Variants in CD226 observed in about 807,000 individuals in gnomAD.
The protein encoded by CD226 is CD226 antigen.
CD226 carries 24 observed loss-of-function variants against 34.9 expected under a neutral mutation model. The ratio of observed to expected loss-of-function variants is 0.69; its 90% CI spans 0.50 to 0.97. CD226 has a LOEUF of 0.97. Among genes scored for constraint, CD226 ranks in the 50% least tolerant of loss-of-function variants. The probability of loss-of-function intolerance (pLI) is 0.00; values close to 1 mark genes in which losing one functional copy is unlikely to be tolerated. For synonymous variants in CD226, 148 were observed against 147.4 expected (o/e 1.00, Z -0.03); for missense variants, 397 against 412.7 (o/e 0.96, Z 0.33).
At chr18:69,939,418 T>C (rs959786246) in intron 2 of CD226, among the ~76,000 whole-genome samples, 1 of 152,258 alleles carries the variant, frequency 6.6e-6, no homozygotes, top group African/African-American at 2.4e-5. Flanking sequence ...GCTTCATCCA[T>C]GTCGGTGAGC....
At chr18:69,919,140 T>C (rs1216612863) in intron 2 of CD226, among the ~76,000 whole-genome samples, 3 of 152,056 alleles carry the variant, frequency 2.0e-5, no homozygotes, top group Admixed American at 6.5e-5. Context: ...AAACAGAAAA[T>C]GTTCGGACAG....
chr18:69,886,226 C>T (rs575889191), intron 3 of CD226, among the ~76,000 whole-genome samples: 156 of 152,310 alleles, frequency 1.0e-3, no homozygotes, highest in Admixed American at 2.7e-3. Flanking sequence ...TTTCCACAGA[C>T]GTCAAACGTG....
intron 3 of CD226, among the ~76,000 whole-genome samples, chr18:69,878,346 T>C (rs200379686): frequency 1.2e-3 from 186 of 152,306 alleles, no homozygotes; most frequent in South Asian, 4.1e-3. Context: ...CAGTGAAATA[T>C]ATAAAAGAAT....
chr18:69,911,850 A>G (rs541334953), intron 2 of CD226, among the ~76,000 whole-genome samples: 1 of 152,118 alleles, frequency 6.6e-6, no homozygotes, highest in Non-Finnish European at 1.5e-5. Flanking sequence ...GTGTGTGTGC[A>G]TATGTGTGTG....
At chr18:69,883,296 A>C (rs980488724) in intron 3 of CD226, among the ~76,000 whole-genome samples, 1 of 152,204 alleles carries the variant, frequency 6.6e-6, no homozygotes, top group Non-Finnish European at 1.5e-5. Context: ...AATAAAAAAA[A>C]CCTAGAAAAA....
intron 2 of CD226, among the ~76,000 whole-genome samples, chr18:69,946,180 C>CAAAAAAAAAAAAAAAAAA (rs60750165): frequency 1.5e-5 from 1 of 66,376 alleles, no homozygotes; most frequent in African/African-American, 7.3e-5. Flanking sequence ...AAGACTCCAT[C>CAAAAAAAAAAAAAAAAAA]AAAAAAAAAA....
chr18:69,946,862 G>A lies in CD226; in HGVS notation c.254C>T (p.Thr85Met), dbSNP rs774094351. The change falls in exon 2 of 6, where the codon ACG (threonine) becomes ATG (methionine). Residue 85 changes from threonine to methionine, a missense_variant. Transcript: ENST00000582621. The part of the protein sequence containing the change: ...YAERVYFLNS[T>M]MASNNMTLFF... ...AAGAGTCATGTTATTGGAAGCCATC[G>A]TTGAATTCAAAAAGTAAACCCTCTC... 38 of 1,614,002 alleles carry A rather than the reference G, an allele frequency of 2.4e-5. No homozygotes were observed. Among genetic ancestry groups the A allele is most frequent in the South Asian group, 4.4e-5 (4 of 91,086 alleles).
intron 3 of CD226, among the ~76,000 whole-genome samples, chr18:69,883,495 T>C (rs1193809604): frequency 6.6e-6 from 1 of 152,192 alleles, no homozygotes; most frequent in African/African-American, 2.4e-5. Flanking sequence ...CAAGACTTGG[T>C]GCTCAGAGGA....
intron 2 of CD226, among the ~76,000 whole-genome samples, chr18:69,924,958 T>C (rs1414845154): frequency 6.6e-6 from 1 of 152,216 alleles, no homozygotes; most frequent in Non-Finnish European, 1.5e-5. Flanking sequence ...TTCATCTTTT[T>C]GGAAAAAGTG....
chr18:69,956,858 C>T (rs1245527542), exon 1 of CD226: 1 of 152,250 alleles, frequency 6.6e-6, no homozygotes, highest in Non-Finnish European at 1.5e-5. Flanking sequence ...CCTCAACACC[C>T]TCTTGGTCAC....
chr18:69,956,035 C>T (rs2055894831), intron 1 of CD226, among the ~76,000 whole-genome samples: 1 of 152,168 alleles, frequency 6.6e-6, no homozygotes, highest in South Asian at 2.1e-4. Flanking sequence ...AGGAGTGAGG[C>T]TACTGCTGAG....
At chr18:69,901,839 A>T (rs958088214) in intron 2 of CD226, among the ~76,000 whole-genome samples, 1 of 151,646 alleles carries the variant, frequency 6.6e-6, no homozygotes, top group South Asian at 2.1e-4. Context: ...AGATCGCACC[A>T]CTGCACTCCA....
Position 69,855,995 on chromosome 18 carries a change from TACA to T in CD226, c.*8316_*8318del, listed in dbSNP as rs1445559585. 6 of 152,102 alleles carry T rather than the reference TACA, an allele frequency of 3.9e-5. No individual in the cohort carries two copies. The highest frequency in any genetic ancestry group is 1.9e-4 in the East Asian group (1 of 5,206). 9.4% of individuals were successfully genotyped at this position (152,102 alleles called of 1,614,324 possible). A position where few individuals can be genotyped will look rare whatever the true frequency, so the allele number is the denominator to read the frequency against. ...CAAATATATACAACTCCTATATATC[TACA>T]ACATTTTTAAGTAAGAAAAGTGGGG... is the stretch of plus-strand genomic sequence containing the variant. On this transcript the variant is annotated 3_prime_UTR_variant, in exon 6 of 6. Transcript: ENST00000582621.
At chr18:69,866,216 C>T (rs1233112809) in intron 5 of CD226, among the ~76,000 whole-genome samples, 3 of 152,152 alleles carry the variant, frequency 2.0e-5, no homozygotes, top group Admixed American at 1.3e-4. Flanking sequence ...CTAATATCAT[C>T]GCATTAGGCA....
intron 2 of CD226, among the ~76,000 whole-genome samples, chr18:69,930,434 C>T (rs1398821422): frequency 1.3e-5 from 2 of 152,152 alleles, no homozygotes; most frequent in Non-Finnish European, 2.9e-5. Flanking sequence ...TCTGAGAACA[C>T]AGGGACCACC....
chr18:69,859,614 A>C lies in CD226; in HGVS notation c.*4700T>G, dbSNP rs1982717165. 6.6e-6 allele frequency: 1 copy of C among 152,206 alleles called. No individual in the cohort carries two copies. The highest frequency in any genetic ancestry group is 1.5e-5 in the Non-Finnish European group (1 of 68,038). The allele number at this position is 152,206 out of a possible 1,614,324, so 9.4% of individuals were successfully genotyped here. On this transcript the variant is annotated 3_prime_UTR_variant, in exon 6 of 6. Coordinates refer to ENST00000582621, the MANE Select transcript of CD226 (RefSeq NM_001303618.2). ...GTGTCATAAGCATGCTATTCAGAAA[A>C]GTGAACATAAATAAAATAATGAGTT... is the stretch of plus-strand genomic sequence containing the variant.
At chr18:69,959,125 C>T (rs762906862), upstream of CD226, among the ~76,000 whole-genome samples, 4 of 152,152 alleles carry the variant, frequency 2.6e-5, no homozygotes, top group Non-Finnish European at 4.4e-5. Flanking sequence ...GAATTTTACT[C>T]AGCAAACAGG....
rs1193085955 is a variant in CD226 at position 69,855,418 on chromosome 18, T to A, written c.*8896A>T. ...TTGACTTGGAACCCCGAAGGAAGAATGAATGACTTTGAAGCTAGGCCAATA... is the reference window on the plus strand; with the variant it reads ...TTGACTTGGAACCCCGAAGGAAGAAAGAATGACTTTGAAGCTAGGCCAATA... On this transcript the variant is annotated 3_prime_UTR_variant, in exon 6 of 6. Coordinates refer to ENST00000582621, the MANE Select transcript of CD226 (RefSeq NM_001303618.2). 1 of 152,144 alleles carries A rather than the reference T, an allele frequency of 6.6e-6. No homozygotes were observed. Among genetic ancestry groups the A allele is most frequent in the African/African-American group, 2.4e-5 (1 of 41,446 alleles). 9.4% of individuals were successfully genotyped at this position (152,144 alleles called of 1,614,324 possible).
chr18:69,891,275 A>G (rs1226024654), intron 3 of CD226, among the ~76,000 whole-genome samples: 3 of 149,186 alleles, frequency 2.0e-5, no homozygotes, highest in Non-Finnish European at 4.4e-5. Context: ...CAAATTCAAC[A>G]TCCTTGTGTG....
Sources: allele counts gnomAD v4.1 joint callset (sites outside exome capture counted in the v4.1 genomes callset), GRCh38; gene constraint gnomAD v4.1.1; transcripts MANE v1.5; gene names NCBI Gene and HGNC (gene_info 2026-07-23, HGNC 2026-07-21).